Variants in AZIN1 observed in about 807,000 individuals in gnomAD.
AZIN1 encodes the protein ornithine decarboxylase antizyme inhibitor.
AZIN1 carries 12 observed loss-of-function variants against 47.4 expected under a neutral mutation model. The observed-to-expected ratio is 0.25, with a 90% confidence interval of 0.16 to 0.41. The LOEUF (loss-of-function observed/expected upper bound fraction) is 0.41, where lower values mean the gene tolerates loss of function less well. Among genes scored for constraint, AZIN1 ranks in the 10% least tolerant of loss-of-function variants. The pLI is 1.00. For synonymous variants in AZIN1, 155 were observed against 176.3 expected (o/e 0.88, Z 0.96); for missense variants, 410 against 532.4 (o/e 0.77, Z 2.26).
chr8:102,839,662 A>G lies in AZIN1; in HGVS notation c.264T>C (p.Ala88=). ...GAAAAATACTTACTTTACTGGAACA[A>G]GCAAATCCGGTTCCAAGAGCTGCCA... is the stretch of plus-strand genomic sequence containing the variant. ...EILAALGTGF[A]CSSKNEMALV... The change falls in exon 4 of 12, where the codon GCT becomes GCC. Residue 88 remains alanine (A), a synonymous_variant. Transcript: ENST00000337198. 1 of 1,563,450 alleles carries G rather than the reference A, an allele frequency of 6.4e-7. No homozygotes were observed. Among genetic ancestry groups the G allele is most frequent in the Non-Finnish European group, 8.7e-7 (1 of 1,155,420 alleles).
intron 6 of AZIN1, chr8:102,835,096 A>G (rs760691759): frequency 3.4e-5 from 6 of 174,678 alleles, no homozygotes; most frequent in Non-Finnish European, 7.3e-5. Context: ...ATCGTATCAC[A>G]TTCAGTTGAG....
Position 102,863,897 on chromosome 8 carries a change from C to G in AZIN1, c.-324G>C, listed in dbSNP as rs1164180780. On this transcript the variant is annotated 5_prime_UTR_variant, in exon 1 of 12. Coordinates refer to ENST00000337198, the MANE Select transcript of AZIN1 (RefSeq NM_148174.4). ...GATGTGGTTACCTTGAGCAGAAATA[C>G]CCAAGGCGGCCTGGGCCATAGGCTG... 6.5e-6 allele frequency: 1 copy of G among 152,904 alleles called. No individual in the cohort carries two copies. Among genetic ancestry groups the G allele is most frequent in the African/African-American group, 2.4e-5 (1 of 41,460 alleles). 9.5% of individuals were successfully genotyped at this position (152,904 alleles called of 1,614,324 possible).
At chr8:102,835,256 C>G (rs1364682169) in intron 6 of AZIN1, 2 of 153,222 alleles carry the variant, frequency 1.3e-5, no homozygotes, top group Non-Finnish European at 2.9e-5. Context: ...AGAATACTTC[C>G]TGATTGTGGC....
intron 1 of AZIN1, among the ~76,000 whole-genome samples, chr8:102,859,588 G>C (rs749500254): frequency 3.9e-5 from 6 of 152,198 alleles, no homozygotes; most frequent in Middle Eastern, 3.2e-3. Flanking sequence ...AATAGGGCTA[G>C]GCGCAGTGGC....
At chr8:102,836,205 G>C in intron 6 of AZIN1, 51 bp downstream of exon 6, 4 of 1,561,548 alleles carry the variant, frequency 2.6e-6, no homozygotes, top group Non-Finnish European at 3.5e-6. Context: ...AGAAAGACAG[G>C]TTACCACCAT....
intron 1 of AZIN1, among the ~76,000 whole-genome samples, chr8:102,859,885 C>G (rs1341678624): frequency 6.6e-6 from 1 of 152,100 alleles, no homozygotes; most frequent in Non-Finnish European, 1.5e-5. Flanking sequence ...CAGTATGCAC[C>G]TATAGTCTCA....
At chr8:102,850,084 C>A (rs903458972) in intron 2 of AZIN1, 1 of 152,198 alleles carries the variant, frequency 6.6e-6, no homozygotes, top group African/African-American at 2.4e-5. Flanking sequence ...CTGGCAGCAA[C>A]AGCCCACTTG....
intron 4 of AZIN1, 51 bp from the exon 5 acceptor site, chr8:102,838,967 T>G: frequency 6.6e-7 from 1 of 1,505,586 alleles, no homozygotes; most frequent in Non-Finnish European, 9.1e-7. Flanking sequence ...GTTCATATTC[T>G]GGTAATGCTT....
chr8:102,857,990 C>T, intron 2 of AZIN1, 23 bp downstream of exon 2: 1 of 398,934 alleles, frequency 2.5e-6, no homozygotes, highest in Non-Finnish European at 4.4e-6. Flanking sequence ...CTCCTCCCCA[C>T]CAACAAATGT....
chr8:102,857,491 T>C (rs567907125), intron 2 of AZIN1, among the ~76,000 whole-genome samples: 14 of 152,200 alleles, frequency 9.2e-5, no homozygotes, highest in Admixed American at 7.2e-4. Context: ...AATTCACACA[T>C]AGAAAACCAA....
chr8:102,839,098 G>A (rs1812011391), intron 4 of AZIN1, among the ~76,000 whole-genome samples, 182 bp from the exon 5 acceptor site: 1 of 152,164 alleles, frequency 6.6e-6, no homozygotes. Flanking sequence ...CTGCTCAAGT[G>A]ATCCTCCTGC....
chr8:102,855,484 C>T (rs1813225825), intron 2 of AZIN1: 2 of 152,234 alleles, frequency 1.3e-5, no homozygotes, highest in Non-Finnish European at 2.9e-5. Context: ...ATCATACACA[C>T]ATTCTAAATT....
At chr8:102,836,108 TA>T in intron 6 of AZIN1, 147 bp downstream of exon 6, 1 of 844,832 alleles carries the variant, frequency 1.2e-6, no homozygotes, top group Non-Finnish European at 1.8e-6. Context: ...TTGCCTAAAC[TA>T]AGAAGAAAAC....
At chr8:102,842,279 T>C (rs898643198) in intron 3 of AZIN1, among the ~76,000 whole-genome samples, 4 of 152,164 alleles carry the variant, frequency 2.6e-5, no homozygotes. Flanking sequence ...CACTGAAGAA[T>C]ACAACTGAGA....
chr8:102,834,286 T>C (rs750990187), intron 7 of AZIN1, 23 bp from the exon 8 acceptor site: 2 of 1,589,096 alleles, frequency 1.3e-6, no homozygotes, highest in Non-Finnish European at 1.7e-6. Context: ...AAAAAAAATT[T>C]AAATGTTTTT....
intron 2 of AZIN1, among the ~76,000 whole-genome samples, chr8:102,853,550 C>A (rs1813065219): frequency 6.6e-6 from 1 of 152,128 alleles, no homozygotes; most frequent in African/African-American, 2.4e-5. Context: ...ATCTTTTTGA[C>A]CTTCCTAAAA....
chr8:102,841,570 C>G (rs1395679162), intron 3 of AZIN1, among the ~76,000 whole-genome samples: 1 of 151,972 alleles, frequency 6.6e-6, no homozygotes, highest in Non-Finnish European at 1.5e-5. Flanking sequence ...GTTTCATGAC[C>G]AATATGTCAA....
intron 8 of AZIN1, 69 bp downstream of exon 8, chr8:102,834,120 C>T (rs1024867875): frequency 8.6e-6 from 11 of 1,286,534 alleles, no homozygotes; most frequent in Non-Finnish European, 1.2e-5. Context: ...AAATCCTGCT[C>T]TACACATCCA....
intron 5 of AZIN1, among the ~76,000 whole-genome samples, chr8:102,838,234 T>TA (rs763077528): frequency 1.3e-4 from 20 of 152,084 alleles, no homozygotes; most frequent in Non-Finnish European, 2.4e-4. Context: ...AGTAAAAAAT[T>TA]AAACTTCATG....
Sources: allele counts gnomAD v4.1 joint callset (sites outside exome capture counted in the v4.1 genomes callset), GRCh38; gene constraint gnomAD v4.1.1; transcripts MANE v1.5; gene names NCBI Gene and HGNC (gene_info 2026-07-23, HGNC 2026-07-21).